The following ZBTB38 variants were observed in gnomAD, a reference collection of about 807,000 sequenced individuals.
ZBTB38 encodes zinc finger and BTB domain-containing protein 38.
A neutral mutation model predicts 76.8 loss-of-function variants in ZBTB38; 20 were observed. That is an observed-to-expected ratio of 0.26 (90% CI 0.18 to 0.38). The LOEUF is 0.38. Among genes scored for constraint, ZBTB38 ranks in the 10% least tolerant of loss-of-function variants. The pLI is 1.00. For synonymous variants in ZBTB38, 504 were observed against 544.2 expected, an observed-to-expected ratio of 0.93 and a Z score of 1.03; for missense variants, 1,082 against 1,482.3, an observed-to-expected ratio of 0.73 and a Z score of 4.43.
intron 1 of ZBTB38, among the ~76,000 whole-genome samples, chr3:141,350,584 C>T (rs551174108): frequency 1.3e-5 from 2 of 152,248 alleles, no homozygotes; most frequent in Non-Finnish European, 2.9e-5. Flanking sequence ...TTTGTTCTTT[C>T]TGGTCTTAAT....
chr3:141,333,200 C>T (rs1272978294), intron 1 of ZBTB38, among the ~76,000 whole-genome samples: 2 of 152,106 alleles, frequency 1.3e-5, no homozygotes, highest in Admixed American at 6.5e-5. Context: ...AAGCCTTGTT[C>T]GGATACAGGA....
At position 141,446,095 on chromosome 3, in the gene ZBTB38, AAAC is replaced by A. The variant is rs1457250765; in HGVS notation, c.*120_*122del. 1 of 952,834 alleles carries A rather than the reference AAAC, an allele frequency of 1.0e-6. No homozygotes were observed. The highest frequency in any genetic ancestry group is 1.4e-6 in the Non-Finnish European group (1 of 696,352). The allele number at this position is 952,834 out of a possible 1,614,324, so 59.0% of individuals were successfully genotyped here. ...GAAGGAGTGAAATTAAAAAAAAAAA[AAAC>A]TCATTTGTGAAAATTCCAGAAAAAG... is the stretch of plus-strand genomic sequence containing the variant. On this transcript the variant is annotated 3_prime_UTR_variant, in exon 6 of 6. Transcript: ENST00000321464.
chr3:141,352,374 C>T (rs1250828960), intron 1 of ZBTB38, among the ~76,000 whole-genome samples: 1 of 151,858 alleles, frequency 6.6e-6, no homozygotes, highest in African/African-American at 2.4e-5. Context: ...ATGAAAGAAC[C>T]CATGATAATC....
At chr3:141,417,844 A>T (rs1253995176) in intron 5 of ZBTB38, among the ~76,000 whole-genome samples, 1 of 151,988 alleles carries the variant, frequency 6.6e-6, no homozygotes, top group Non-Finnish European at 1.5e-5. Flanking sequence ...GTGAAACCCC[A>T]TCTCTACTAA....
At chr3:141,346,216 C>T (rs1943348861) in intron 1 of ZBTB38, among the ~76,000 whole-genome samples, 1 of 152,148 alleles carries the variant, frequency 6.6e-6, no homozygotes, top group Non-Finnish European at 1.5e-5. Context: ...TACTGATACC[C>T]AGGTGTCACC....
chr3:141,380,024 A>G (rs1272467133), intron 2 of ZBTB38, among the ~76,000 whole-genome samples: 2 of 152,244 alleles, frequency 1.3e-5, no homozygotes, highest in Non-Finnish European at 2.9e-5. Flanking sequence ...ATTTTTAAGT[A>G]TCTGACAGCT....
chr3:141,369,015 A>G (rs1034076057), intron 1 of ZBTB38, among the ~76,000 whole-genome samples: 20 of 146,538 alleles, frequency 1.4e-4, no homozygotes, highest in Non-Finnish European at 2.6e-4. Flanking sequence ...AAAAAAAAAC[A>G]ATACTAAGAC....
At chr3:141,332,673 G>T (rs1170178024) in intron 1 of ZBTB38, among the ~76,000 whole-genome samples, 3 of 152,160 alleles carry the variant, frequency 2.0e-5, no homozygotes, top group Non-Finnish European at 4.4e-5. Context: ...CTTGTTCCTG[G>T]CGCCCTTGGC....
In ZBTB38 at chr3:141,431,323, C is replaced by CAAAAA. The variant is rs71976494; in HGVS notation, c.1-11051_1-11047dup. The stretch of plus-strand genomic sequence containing the variant: ...GGGGGACAAGAGCGAGACTTCGTCT[C>CAAAAA]AAAAAAAAAAAAAAAAAAATATATA... On this transcript the variant is annotated intron_variant, in intron 5 of 5. Coordinates refer to ENST00000321464, the MANE Select transcript of ZBTB38 (RefSeq NM_001376113.1). Among the ~76,000 whole-genome samples, 33 of 101,378 alleles carry CAAAAA rather than the reference C, an allele frequency of 3.3e-4. 1 individual carries two copies. Among genetic ancestry groups the CAAAAA allele is most frequent in the African/African-American group, 1.6e-3 (32 of 20,622 alleles). The allele number at this position is 101,378 out of a possible 152,430, so 66.5% of individuals were successfully genotyped here.
chr3:141,443,154 C>T lies in ZBTB38; in HGVS notation c.766C>T (p.Leu256Phe), dbSNP rs1169293517. ...CACAGGGAAAGAAAATTGTGAAGCC[C>T]TTGCAGCGAAACCGAAAACATGCCG... is the stretch of plus-strand genomic sequence containing the variant. ...GNTGKENCEA[L>F]AAKPKTCRKP... is the part of the protein sequence containing the mutation. The change falls in exon 6 of 6, where the codon CTT (leucine) becomes TTT (phenylalanine). Residue 256 changes from leucine (L) to phenylalanine (F), a missense_variant. Transcript: ENST00000321464. The surrounding 1 kb of genome is among the most constrained non-coding windows in gnomAD (Gnocchi z 5.6). The T allele has an allele frequency of 2.5e-6, 4 of 1,614,174 alleles. No individual in the cohort carries two copies. The highest frequency in any genetic ancestry group is 1.1e-5 in the South Asian group (1 of 91,080).
intron 1 of ZBTB38, among the ~76,000 whole-genome samples, chr3:141,356,333 C>G (rs923981627): frequency 2.6e-5 from 4 of 152,056 alleles, no homozygotes; most frequent in African/African-American, 7.2e-5. Flanking sequence ...AGACAGACGG[C>G]TCTTCCCTCG....
intron 5 of ZBTB38, among the ~76,000 whole-genome samples, chr3:141,408,501 C>T (rs538717746): frequency 6.6e-6 from 1 of 151,804 alleles, no homozygotes; most frequent in Non-Finnish European, 1.5e-5. Flanking sequence ...GAGCTGAGAT[C>T]GCACCACTGC....
chr3:141,407,950 C>G (rs1248160658), intron 5 of ZBTB38, among the ~76,000 whole-genome samples: 1 of 152,228 alleles, frequency 6.6e-6, no homozygotes, highest in East Asian at 1.9e-4. Flanking sequence ...CATCTCATTG[C>G]TCTCTGCTGT....
intron 4 of ZBTB38, among the ~76,000 whole-genome samples, chr3:141,395,195 G>A (rs1170452670): frequency 1.3e-5 from 2 of 152,184 alleles, no homozygotes; most frequent in East Asian, 3.8e-4. Flanking sequence ...AGAACAATTG[G>A]TTTTTATAAG....
At chr3:141,432,856 C>T (rs942571551) in intron 5 of ZBTB38, among the ~76,000 whole-genome samples, 9 of 152,284 alleles carry the variant, frequency 5.9e-5, no homozygotes, top group Non-Finnish European at 1.3e-4. Context: ...TGAACCAATA[C>T]TTAAAAGCAA....
At chr3:141,431,798 G>C (rs1337307474) in intron 5 of ZBTB38, 1 of 152,182 alleles carries the variant, frequency 6.6e-6, no homozygotes, top group East Asian at 1.9e-4. Flanking sequence ...AGAACAGCCT[G>C]AATTTCAGTT....
At chr3:141,354,426 C>T (rs904298994) in intron 1 of ZBTB38, among the ~76,000 whole-genome samples, 12 of 152,126 alleles carry the variant, frequency 7.9e-5, no homozygotes, top group African/African-American at 2.9e-4. Context: ...ATTCTCATCT[C>T]TGTCCCTTTG....
chr3:141,343,328 C>T (rs1559914177), intron 1 of ZBTB38, among the ~76,000 whole-genome samples: 1 of 152,022 alleles, frequency 6.6e-6, no homozygotes, highest in Non-Finnish European at 1.5e-5. Context: ...CCTCAGAATC[C>T]CTTGGGGTTT....
At chr3:141,370,443 G>T (rs576741766) in intron 2 of ZBTB38, among the ~76,000 whole-genome samples, 5 of 152,364 alleles carry the variant, frequency 3.3e-5, no homozygotes, top group Admixed American at 2.0e-4. Flanking sequence ...GTAGTCCTTG[G>T]TGGAGCAGCC....
Sources: gnomAD v4.1 joint callset for allele counts (sites outside exome capture counted in the v4.1 genomes callset) on GRCh38, gnomAD v4.1.1 for gene constraint, Gnocchi (gnomAD v3.1) non-coding constraint, MANE v1.5 for transcripts, NCBI Gene and HGNC (gene_info 2026-07-23, HGNC 2026-07-21) for gene names.